The following ACYP2 variants were observed in gnomAD, a reference collection of about 807,000 sequenced individuals.
The protein encoded by ACYP2 is acylphosphatase-2.
ACYP2 carries 12 observed loss-of-function variants against 11.2 expected under a neutral mutation model. The ratio of observed to expected loss-of-function variants is 1.08; its 90% CI spans 0.69 to 1.74. The LOEUF (loss-of-function observed/expected upper bound fraction) is 1.74. Among genes scored for constraint, ACYP2 ranks in the 40% most tolerant of loss-of-function variants. ACYP2 has a pLI of 0.00. For missense variants in ACYP2, 134 were observed against 101.9 expected (o/e 1.31, Z -1.35); for synonymous variants, 43 against 32.2 (o/e 1.33, Z -1.13).
intron 6 of ACYP2, among the ~76,000 whole-genome samples, chr2:54,210,374 T>C (rs1685283456): frequency 6.6e-6 from 1 of 152,098 alleles, no homozygotes; most frequent in Non-Finnish European, 1.5e-5. Flanking sequence ...ACTTAATATA[T>C]ACAAACATAT....
intron 6 of ACYP2, among the ~76,000 whole-genome samples, chr2:54,301,531 C>T (rs1689728804): frequency 6.6e-6 from 1 of 151,938 alleles, no homozygotes; most frequent in Non-Finnish European, 1.5e-5. Context: ...TATGTATGCC[C>T]TCCAGTATCT....
chr2:54,029,298 G>T (rs1442011424), intron 2 of ACYP2, among the ~76,000 whole-genome samples: 3 of 152,002 alleles, frequency 2.0e-5, no homozygotes, highest in Non-Finnish European at 4.4e-5. Context: ...CATATCAAGG[G>T]TACATACTAC....
In ACYP2 at chr2:54,115,873, T is replaced by G. The variant is rs2103728321; in HGVS notation, c.278-19580T>G. The G allele has an allele frequency of 7.7e-6, 10 of 1,295,464 alleles. No homozygotes were observed. The South Asian group carries it at 1.3e-4, about 17-fold the overall frequency. The allele number at this position is 1,295,464 out of a possible 1,614,324, so 80.2% of individuals were successfully genotyped here. On this transcript the variant is annotated intron_variant, in intron 4 of 6. Coordinates refer to ENST00000607452, the MANE Select transcript of ACYP2 (RefSeq NM_001320586.2). ...TTCCCGTTGTGGCTGGGACTTCCGC[T>G]CCGCCATGACACAGCAGCGGCGGCG...
rs941366584 is a variant in ACYP2, at chr2:54,071,473, C to CT, written c.277+14123dup. Among the ~76,000 whole-genome samples the CT allele has an allele frequency of 1.7e-4, 26 of 148,676 alleles. No homozygotes were observed. The East Asian group carries it at 2.5e-3, about 15-fold the overall frequency. On this transcript the variant is annotated intron_variant, in intron 4 of 6. Transcript: ENST00000607452. Reference sequence around the variant, plus strand: ...GATCAATTGTGTTTTTCTTTTCTGTCTTTTTTTTTTGAGACTGGGTCTCGC... The same window carrying CT: ...GATCAATTGTGTTTTTCTTTTCTGTCTTTTTTTTTTTGAGACTGGGTCTCGC...
At chr2:54,256,298 ACACT>A (rs1034392354) in intron 6 of ACYP2, 13 of 824,644 alleles carry the variant, frequency 1.6e-5, no homozygotes, top group Non-Finnish European at 2.5e-5. Flanking sequence ...CAGTCTCGCG[ACACT>A]CACTCCTCAG....
At chr2:54,011,544 T>C (rs1291110068) in intron 2 of ACYP2, among the ~76,000 whole-genome samples, 1 of 152,198 alleles carries the variant, frequency 6.6e-6, no homozygotes, top group Non-Finnish European at 1.5e-5. Flanking sequence ...TCTTTTAAAG[T>C]TACAGATATT....
intron 2 of ACYP2, among the ~76,000 whole-genome samples, chr2:54,001,131 G>A (rs1179681454): frequency 6.6e-6 from 1 of 152,152 alleles, no homozygotes; most frequent in African/African-American, 2.4e-5. Context: ...GAGGCAGGAG[G>A]ATTGATTGAG....
chr2:54,158,518 G>A (rs1164485853), intron 6 of ACYP2, among the ~76,000 whole-genome samples: 1 of 151,942 alleles, frequency 6.6e-6, no homozygotes, highest in African/African-American at 2.4e-5. Context: ...GTCTGCTTTT[G>A]ATTATCACCA....
At chr2:54,233,431 G>C (rs1417407604) in intron 6 of ACYP2, among the ~76,000 whole-genome samples, 1 of 151,462 alleles carries the variant, frequency 6.6e-6, no homozygotes, top group Non-Finnish European at 1.5e-5. Flanking sequence ...TATGTAGCTG[G>C]GACTACAGGC....
intron 6 of ACYP2, among the ~76,000 whole-genome samples, chr2:54,276,619 T>TCACACACACACACACACACACACACA (rs3071186): frequency 2.1e-5 from 3 of 146,106 alleles, no homozygotes; most frequent in African/African-American, 7.5e-5. Context: ...GATTGTTCTT[T>TCACACACACACACACACACACACACA]CACACACACA....
chr2:54,254,657 C>A (rs2104019090), intron 6 of ACYP2: 2 of 455,928 alleles, frequency 4.4e-6, no homozygotes, highest in East Asian at 3.6e-5. Flanking sequence ...CCTACAGCAT[C>A]ATTCGCTTCG....
intron 3 of ACYP2, among the ~76,000 whole-genome samples, chr2:54,053,133 A>G (rs745385829): frequency 5.3e-5 from 8 of 152,236 alleles, no homozygotes; most frequent in Non-Finnish European, 1.0e-4. Flanking sequence ...CTGTTGGCTC[A>G]GTATAAGTGC....
At chr2:54,186,170 T>C (rs1029761738) in intron 6 of ACYP2, among the ~76,000 whole-genome samples, 2 of 152,082 alleles carry the variant, frequency 1.3e-5, no homozygotes, top group East Asian at 1.9e-4. Context: ...TAGCACAACA[T>C]TGTGAATGAC....
intron 5 of ACYP2, 133 bp downstream of exon 2, chr2:54,135,602 T>C: frequency 4.8e-6 from 3 of 629,012 alleles, no homozygotes; most frequent in Non-Finnish European, 5.3e-6. Flanking sequence ...TGAAGAAATA[T>C]ATGTATTTCT....
intron 2 of ACYP2, among the ~76,000 whole-genome samples, chr2:54,015,652 C>CTT (rs1453089803): frequency 6.7e-5 from 8 of 119,006 alleles, no homozygotes; most frequent in African/African-American, 2.6e-4. Context: ...CCGTCACACA[C>CTT]ACACACACAC....
chr2:53,972,989 C>G (rs941046880), intron 1 of ACYP2, among the ~76,000 whole-genome samples: 2 of 151,956 alleles, frequency 1.3e-5, no homozygotes, highest in African/African-American at 4.8e-5. Flanking sequence ...AAAATAGGGC[C>G]CTTCACAAAT....
chr2:54,051,329 T>G, intron 3 of ACYP2: 1 of 763,142 alleles, frequency 1.3e-6, no homozygotes. Context: ...CTTCTCAGAG[T>G]TTTTAAGAAG....
rs148805722 is a variant in ACYP2 at position 54,011,064 on chromosome 2, AT to A, written c.62+37255del. The stretch of plus-strand genomic sequence containing the variant: ...TAAAAGACACGTCACATTATTAATA[AT>A]CTTGGCTAGTTGTAACAAAGTAAAA... On this transcript the variant is annotated intron_variant, in intron 2 of 6. Transcript: ENST00000607452. Among the ~76,000 whole-genome samples the A allele has an allele frequency of 6.3e-3, 959 of 152,210 alleles. 8 individuals are homozygous for A. Among genetic ancestry groups the A allele is most frequent in the African/African-American group, 0.022 (917 of 41,542 alleles).
chr2:54,029,072 G>A (rs1009988520), intron 2 of ACYP2, among the ~76,000 whole-genome samples: 6 of 152,148 alleles, frequency 3.9e-5, no homozygotes, highest in African/African-American at 1.4e-4. Flanking sequence ...GGCCGAGGTA[G>A]GAGCATGGCT....
Sources: gnomAD v4.1 joint callset for allele counts (sites outside exome capture counted in the v4.1 genomes callset) on GRCh38, gnomAD v4.1.1 for gene constraint, MANE v1.5 for transcripts, NCBI Gene and HGNC (gene_info 2026-07-23, HGNC 2026-07-21) for gene names.